The following GPR19 variants were observed in gnomAD, a reference collection of about 807,000 sequenced individuals.
GPR19 encodes probable G protein-coupled receptor 19.
In GPR19, 14 loss-of-function variants were observed where a neutral mutation model predicts 28.5. That is an observed-to-expected ratio of 0.49 (90% confidence interval 0.32 to 0.77). GPR19 has a LOEUF of 0.77. Among genes scored for constraint, GPR19 ranks in the 30% least tolerant of loss-of-function variants. The pLI is 0.03. For synonymous variants in GPR19, 173 were observed against 184.1 expected, an observed-to-expected ratio of 0.94 and a Z score of 0.49; for missense variants, 409 against 504.1, an observed-to-expected ratio of 0.81 and a Z score of 1.81.
intron 3 of GPR19, among the ~76,000 whole-genome samples, chr12:12,675,797 C>T (rs568657301): frequency 6.6e-6 from 1 of 152,158 alleles, no homozygotes; most frequent in African/African-American, 2.4e-5. Flanking sequence ...CTGCCAACAA[C>T]CTGACTGAGC....
At chr12:12,674,853 G>A (rs899817060) in intron 3 of GPR19, among the ~76,000 whole-genome samples, 1 of 152,144 alleles carries the variant, frequency 6.6e-6, no homozygotes, top group African/African-American at 2.4e-5. Context: ...GTTGTAGAGG[G>A]GTAGAGAGTA....
the GPR19 span, among the ~76,000 whole-genome samples, chr12:12,708,151 C>T: frequency 6.6e-6 from 1 of 151,884 alleles, no homozygotes; most frequent in Non-Finnish European, 1.5e-5. Flanking sequence ...AAGCATGTGC[C>T]ACCATGCCCA....
chr12:12,671,082 T>C (rs919067775), intron 3 of GPR19, among the ~76,000 whole-genome samples: 1 of 151,946 alleles, frequency 6.6e-6, no homozygotes, highest in African/African-American at 2.4e-5. Flanking sequence ...GCAGATCATC[T>C]GAGGTCAGGT....
At chr12:12,716,907 G>A in the GPR19 span, 21 of 984,610 alleles carry the variant, frequency 2.1e-5, no homozygotes, top group Non-Finnish European at 2.4e-5. Context: ...GGGGGCCGCT[G>A]GGGAGGGCCG....
rs1470744470 is a variant in GPR19 at position 12,661,683 on chromosome 12, C to T, written c.766G>A (p.Asp256Asn). The change falls in exon 4 of 4, where the codon GAT (aspartate) becomes AAT (asparagine). Residue 256 changes from aspartate (D) to asparagine (N), a missense_variant. Coordinates refer to ENST00000651487, the MANE Select transcript of GPR19 (RefSeq NM_006143.3). This position sits in a 1 kb window ranked among gnomAD's most constrained non-coding sequence, Gnocchi z 4.2. The part of the protein sequence containing the change: ...VIKYIWRIGT[D>N]GRTVRRTMNI... ...ATTGTCCTCCTCACCGTTCGGCCAT[C>T]TGTGCCTATTCTCCAAATATATTTT... The T allele has an allele frequency of 1.2e-6, 2 of 1,614,004 alleles. No individual in the cohort carries two copies. Among genetic ancestry groups the T allele is most frequent in the Non-Finnish European group, 1.7e-6 (2 of 1,179,986 alleles).
intron 3 of GPR19, among the ~76,000 whole-genome samples, chr12:12,676,062 C>G (rs1945926033): frequency 6.6e-6 from 1 of 152,166 alleles, no homozygotes; most frequent in Non-Finnish European, 1.5e-5. Context: ...TCATACCAGT[C>G]ATTCTATCAC....
chr12:12,704,013 T>A, the GPR19 span, among the ~76,000 whole-genome samples: 1 of 152,164 alleles, frequency 6.6e-6, no homozygotes, highest in African/African-American at 2.4e-5. Context: ...AGACAGTGTA[T>A]GTGTTGGTGT....
At chr12:12,698,786 A>G (rs2136341920), upstream of GPR19, among the ~76,000 whole-genome samples, 1 of 151,638 alleles carries the variant, frequency 6.6e-6, no homozygotes, top group Non-Finnish European at 1.5e-5. Context: ...AATTTTTTGT[A>G]TTTTTAGTAC....
chr12:12,715,359 T>G, the GPR19 span, among the ~76,000 whole-genome samples: 1 of 152,220 alleles, frequency 6.6e-6, no homozygotes, highest in Admixed American at 6.5e-5. Context: ...GGATGAGACC[T>G]CTTGCTTGAT....
At chr12:12,664,850 G>T (rs1340754475) in intron 3 of GPR19, among the ~76,000 whole-genome samples, 3 of 149,698 alleles carry the variant, frequency 2.0e-5, no homozygotes, top group South Asian at 4.2e-4. Context: ...AACCCGGGAG[G>T]CGAAGGTTGC....
At chr12:12,695,045 C>G (rs987516493) in intron 2 of GPR19, among the ~76,000 whole-genome samples, 1 of 152,228 alleles carries the variant, frequency 6.6e-6, no homozygotes, top group African/African-American at 2.4e-5. Context: ...TTCTCCATCA[C>G]TGCTAGCTTC....
intron 2 of GPR19, among the ~76,000 whole-genome samples, chr12:12,690,328 T>C (rs1032256614): frequency 1.9e-4 from 29 of 152,166 alleles, no homozygotes; most frequent in African/African-American, 7.0e-4. Context: ...CAAAAAACAT[T>C]AAGAAGGGGA....
chr12:12,661,129 A>G lies in GPR19; in HGVS notation c.*72T>C. ...CTTGGAAAGTTGAGTGAAAACAAATATGTAAATAGCTTCTGTTTTTATAGT... is the reference window on the plus strand; with the variant it reads ...CTTGGAAAGTTGAGTGAAAACAAATGTGTAAATAGCTTCTGTTTTTATAGT... On this transcript the variant is annotated 3_prime_UTR_variant, in exon 4 of 4. Coordinates refer to ENST00000651487, the MANE Select transcript of GPR19 (RefSeq NM_006143.3). The surrounding 1 kb of genome is among the most constrained non-coding windows in gnomAD (Gnocchi z 4.2). 1 of 1,057,146 alleles carries G rather than the reference A, an allele frequency of 9.5e-7. No homozygotes were observed. Among genetic ancestry groups the G allele is most frequent in the Non-Finnish European group, 1.3e-6 (1 of 741,018 alleles). 65.5% of individuals were successfully genotyped at this position (1,057,146 alleles called of 1,614,324 possible). A position where few individuals can be genotyped will look rare whatever the true frequency, so the allele number is the denominator to read the frequency against.
chr12:12,693,341 G>C (rs2136337500), intron 2 of GPR19, among the ~76,000 whole-genome samples: 1 of 152,268 alleles, frequency 6.6e-6, no homozygotes, highest in African/African-American at 2.4e-5. Context: ...CATTGGAAAA[G>C]AACACACATT....
At chr12:12,711,258 C>G in the GPR19 span, among the ~76,000 whole-genome samples, 1 of 147,094 alleles carries the variant, frequency 6.8e-6, no homozygotes, top group African/African-American at 2.5e-5. Context: ...CACGCCATTG[C>G]ACTCCAGCCT....
At chr12:12,667,847 T>C (rs954090290) in intron 3 of GPR19, among the ~76,000 whole-genome samples, 7 of 152,178 alleles carry the variant, frequency 4.6e-5, no homozygotes, top group Non-Finnish European at 1.0e-4. Context: ...TCCTTGAGGA[T>C]AAGGACTATG....
intron 3 of GPR19, among the ~76,000 whole-genome samples, chr12:12,669,407 G>A (rs1945827219): frequency 1.3e-5 from 2 of 152,240 alleles, no homozygotes. Context: ...ATTATCCCAA[G>A]TAGGAAATTA....
chr12:12,696,375 T>G (rs1946263179), upstream of GPR19, among the ~76,000 whole-genome samples: 3 of 76,826 alleles, frequency 3.9e-5, no homozygotes, highest in African/African-American at 8.7e-5. Flanking sequence ...TTTTTTTTTT[T>G]GCTGCCCCAG....
At chr12:12,693,497 G>A (rs1267295519) in intron 2 of GPR19, among the ~76,000 whole-genome samples, 1 of 152,168 alleles carries the variant, frequency 6.6e-6, no homozygotes, top group Non-Finnish European at 1.5e-5. Context: ...TGTGTTGCCT[G>A]TGCTAGATCA....
Sources: allele counts gnomAD v4.1 joint callset (sites outside exome capture counted in the v4.1 genomes callset), GRCh38; gene constraint gnomAD v4.1.1; non-coding constraint Gnocchi (gnomAD v3.1); transcripts MANE v1.5; gene names NCBI Gene and HGNC (gene_info 2026-07-23, HGNC 2026-07-21).